ITGB3: variants seen among roughly 807,000 people sequenced by gnomAD.
ITGB3 encodes integrin subunit beta 3, also known as integrin beta-3.
ITGB3 carries 48 observed loss-of-function variants against 85.8 expected under a neutral mutation model. The ratio of observed to expected loss-of-function variants is 0.56; its 90% CI spans 0.44 to 0.71. The LOEUF (loss-of-function observed/expected upper bound fraction) is 0.71. ITGB3 is among the 30% of genes least tolerant of loss of function. The pLI is 0.00. For synonymous variants in ITGB3, 363 were observed against 395.6 expected (o/e 0.92, Z 0.98); for missense variants, 861 against 1,019.1 (o/e 0.84, Z 2.11).
At chr17:47,256,480 C>T (rs886474346) in intron 1 of ITGB3, among the ~76,000 whole-genome samples, 5 of 151,656 alleles carry the variant, frequency 3.3e-5, no homozygotes, top group African/African-American at 1.2e-4. Flanking sequence ...AATACCCCCC[C>T]CCCCAACCTC....
At chr17:47,266,944 A>G (rs1402242428) in intron 1 of ITGB3, among the ~76,000 whole-genome samples, 1 of 152,096 alleles carries the variant, frequency 6.6e-6, no homozygotes, top group Non-Finnish European at 1.5e-5. Context: ...CCCTGGTGTG[A>G]TACTTTCTGG....
At chr17:47,264,771 A>T (rs1324818810) in intron 1 of ITGB3, among the ~76,000 whole-genome samples, 1 of 152,052 alleles carries the variant, frequency 6.6e-6, no homozygotes, top group East Asian at 1.9e-4. Flanking sequence ...TCGTCCCAGG[A>T]TTCACTCTTT....
At chr17:47,278,744 C>A (rs1370169184) in intron 2 of ITGB3, among the ~76,000 whole-genome samples, 1 of 152,194 alleles carries the variant, frequency 6.6e-6, no homozygotes, top group Non-Finnish European at 1.5e-5. Flanking sequence ...CACCTTCTGT[C>A]AGATCCGTGG....
chr17:47,278,415 T>C (rs1567762900), intron 2 of ITGB3, among the ~76,000 whole-genome samples: 1 of 152,122 alleles, frequency 6.6e-6, no homozygotes, highest in Non-Finnish European at 1.5e-5. Context: ...ACCCCGTCTC[T>C]ACTAAAAATA....
Position 47,286,254 on chromosome 17 carries a change from C to T in ITGB3, c.615-6C>T, listed in dbSNP as rs755276871. 9.9e-6 allele frequency: 16 copies of T among 1,614,044 alleles called. No individual in the cohort carries two copies. In the South Asian group the frequency reaches 1.5e-4, roughly 16 times the overall value. ...TCTGCTTAAATTATCTCCCATCCCTCCCCAGTATGAAGACCACCTGCTTGC... is the reference window on the plus strand; with the variant it reads ...TCTGCTTAAATTATCTCCCATCCCTTCCCAGTATGAAGACCACCTGCTTGC... On this transcript the variant is annotated splice_region_variant and splice_polypyrimidine_tract_variant and intron_variant, in intron 4 of 14. Coordinates refer to ENST00000559488, the MANE Select transcript of ITGB3 (RefSeq NM_000212.3).
chr17:47,285,842 G>A (rs961944704), intron 4 of ITGB3, among the ~76,000 whole-genome samples: 3 of 152,312 alleles, frequency 2.0e-5, no homozygotes, highest in South Asian at 2.1e-4. Flanking sequence ...TTAAGTATAA[G>A]GTGATAGTAA....
chr17:47,302,726 A>T lies in ITGB3; in HGVS notation c.2020A>T (p.Thr674Ser), dbSNP rs991290295. The change falls in exon 13 of 15, where the codon ACT (threonine) becomes TCT (serine). Residue 674 changes from threonine (T) to serine (S), a missense_variant. By Grantham distance (58) the Thr-to-Ser change is moderately conservative (BLOSUM62 1). Coordinates refer to ENST00000559488, the MANE Select transcript of ITGB3 (RefSeq NM_000212.3). ...TCCATTTTCCCTACTCCCAGAGGAC[A>T]CTGGCAAGGATGCAGTGAATTGTAC... ...EIESVKELKDTGKDAVNCTYK... is the reference protein window; with the variant it reads ...EIESVKELKDSGKDAVNCTYK... 1.2e-6 allele frequency: 2 copies of T among 1,614,152 alleles called. No homozygotes were observed. The highest frequency in any genetic ancestry group is 1.7e-6 in the Non-Finnish European group (2 of 1,179,988).
chr17:47,289,490 T>TA (rs1249870194), intron 6 of ITGB3, among the ~76,000 whole-genome samples, 191 bp from the exon 7 acceptor site: 1 of 151,968 alleles, frequency 6.6e-6, no homozygotes, highest in African/African-American at 2.4e-5. Flanking sequence ...ATCTGGCAAA[T>TA]AAAAAAAATT....
chr17:47,302,520 A>G lies in ITGB3; in HGVS notation c.2015-201A>G, dbSNP rs9906248. Among the ~76,000 whole-genome samples, 148,412 of 152,262 alleles carry G rather than the reference A, an allele frequency of 0.97. 72,435 individuals carry two copies. Among genetic ancestry groups the G allele is most frequent in the East Asian group, 1 (5,174 of 5,174 alleles). ...AAGGATTAGGAACCAAAAAGGGCCT[A>G]TGCAGTACAAAATACATCAGTGAGT... On this transcript the variant is annotated intron_variant, in intron 12 of 14. Coordinates refer to ENST00000559488, the MANE Select transcript of ITGB3 (RefSeq NM_000212.3).
At chr17:47,289,895 C>A (rs1023054691) in intron 7 of ITGB3, 119 bp downstream of exon 7, 1 of 786,382 alleles carries the variant, frequency 1.3e-6, no homozygotes, top group African/African-American at 1.7e-5. Context: ...CTAATCCACT[C>A]CCCAGGAGCT....
At chr17:47,305,587 C>T (rs2065184745) in intron 13 of ITGB3, 1 of 152,174 alleles carries the variant, frequency 6.6e-6, no homozygotes, top group African/African-American at 2.4e-5. Flanking sequence ...GGGTGACATG[C>T]CTCTGTTTTA....
chr17:47,259,867 C>A (rs1361719433), intron 1 of ITGB3, among the ~76,000 whole-genome samples: 1 of 152,054 alleles, frequency 6.6e-6, no homozygotes, highest in Non-Finnish European at 1.5e-5. Flanking sequence ...CCATTGCACT[C>A]CAGCCTGAGC....
At chr17:47,298,932 C>CTTTA (rs1164281779) in intron 10 of ITGB3, among the ~76,000 whole-genome samples, 2 of 152,208 alleles carry the variant, frequency 1.3e-5, no homozygotes, top group Non-Finnish European at 2.9e-5. Flanking sequence ...ACTAGAAGGG[C>CTTTA]TAAAGAGCTT....
intron 1 of ITGB3, among the ~76,000 whole-genome samples, chr17:47,255,663 G>A (rs2064986714): frequency 1.3e-5 from 2 of 151,998 alleles, no homozygotes; most frequent in Admixed American, 1.3e-4. Context: ...CCCGTGATCA[G>A]CCTGCCTTGG....
At chr17:47,295,609 GC>G (rs2065142952) in intron 10 of ITGB3, among the ~76,000 whole-genome samples, 1 of 152,110 alleles carries the variant, frequency 6.6e-6, no homozygotes, top group Non-Finnish European at 1.5e-5. Flanking sequence ...TCCCTGGCTG[GC>G]CCATCTTGTC....
At chr17:47,290,365 G>C in intron 8 of ITGB3, 91 bp downstream of exon 8, 1 of 1,079,150 alleles carries the variant, frequency 9.3e-7, no homozygotes, top group East Asian at 2.4e-5. Flanking sequence ...CCAGTTGCCA[G>C]TCTACCACAC....
intron 1 of ITGB3, among the ~76,000 whole-genome samples, chr17:47,274,072 G>A (rs113785873): frequency 3.3e-5 from 5 of 152,270 alleles, no homozygotes; most frequent in South Asian, 2.1e-4. Context: ...TCTGGGCCCC[G>A]GAGATATTTT....
intron 2 of ITGB3, among the ~76,000 whole-genome samples, chr17:47,278,511 T>C (rs570826127): frequency 1.3e-5 from 2 of 150,782 alleles, no homozygotes; most frequent in African/African-American, 4.9e-5. Context: ...ATCCGGGAGG[T>C]GGAGGTTGCA....
intron 1 of ITGB3, among the ~76,000 whole-genome samples, chr17:47,265,446 G>A (rs912117995): frequency 5.3e-5 from 8 of 152,110 alleles, no homozygotes; most frequent in Non-Finnish European, 1.0e-4. Context: ...CCTATCTTCT[G>A]GTGTTGGCTG....
Sources: allele counts gnomAD v4.1 joint callset (sites outside exome capture counted in the v4.1 genomes callset), GRCh38; gene constraint gnomAD v4.1.1; transcripts MANE v1.5; gene names NCBI Gene and HGNC (gene_info 2026-07-23, HGNC 2026-07-21).